The following FOCAD variants were observed in gnomAD, a reference collection of about 807,000 sequenced individuals.
FOCAD encodes focadhesin.
FOCAD carries 198 observed loss-of-function variants against 225.6 expected under a neutral mutation model. The observed-to-expected ratio is 0.88, with a 90% CI of 0.78 to 0.99. The LOEUF (loss-of-function observed/expected upper bound fraction) is 0.99, where lower values mean the gene tolerates loss of function less well. FOCAD is among the 50% of genes least tolerant of loss of function. The pLI, the probability that FOCAD is intolerant of heterozygous loss-of-function variation, is 0.00. For synonymous variants in FOCAD, 897 were observed against 755.0 expected, an observed-to-expected ratio of 1.19 and a Z score of -3.08; for missense variants, 2,713 against 2,123.6, an observed-to-expected ratio of 1.28 and a Z score of -5.46.
At chr9:20,692,015 G>A (rs10811391) in intron 1 of FOCAD, among the ~76,000 whole-genome samples, 31,049 of 152,036 alleles carry the variant, frequency 0.2, 3,377 homozygotes, top group African/African-American at 0.28. Flanking sequence ...CTCCCAAAGT[G>A]CTGGGATTAC....
intron 28 of FOCAD, among the ~76,000 whole-genome samples, chr9:20,942,410 A>G (rs548094293): frequency 7.2e-5 from 11 of 152,326 alleles, no homozygotes; most frequent in African/African-American, 2.4e-4. Flanking sequence ...GTTAAACCCT[A>G]TTGGAATGAG....
intron 5 of FOCAD, among the ~76,000 whole-genome samples, chr9:20,756,308 AATAG>A (rs1319061144): frequency 2.0e-5 from 3 of 152,304 alleles, no homozygotes; most frequent in East Asian, 1.9e-4. Context: ...GTTAAGAAGA[AATAG>A]ATAGTGTTAT....
chr9:20,869,581 A>G (rs1198416870), intron 18 of FOCAD, among the ~76,000 whole-genome samples: 1 of 152,158 alleles, frequency 6.6e-6, no homozygotes. Context: ...CATTTAAGGT[A>G]ATGTACTGGA....
intron 7 of FOCAD, among the ~76,000 whole-genome samples, chr9:20,765,277 T>C (rs573687110): frequency 5.3e-5 from 8 of 152,320 alleles, no homozygotes; most frequent in African/African-American, 1.9e-4. Flanking sequence ...ATTAACTAAA[T>C]ACACAGAAAT....
chr9:20,769,873 A>G (rs975580526), intron 7 of FOCAD, among the ~76,000 whole-genome samples, 159 bp from the exon 8 acceptor site: 1 of 152,378 alleles, frequency 6.6e-6, no homozygotes, highest in South Asian at 2.1e-4. Context: ...GTGCAGTTGT[A>G]TAGTTAATCC....
chr9:20,794,409 T>C (rs1820848563), intron 11 of FOCAD, among the ~76,000 whole-genome samples: 1 of 152,160 alleles, frequency 6.6e-6, no homozygotes, highest in South Asian at 2.1e-4. Context: ...TTTCATAATA[T>C]AGAGCAAAAA....
At chr9:20,697,161 T>G (rs1823442134) in intron 1 of FOCAD, among the ~76,000 whole-genome samples, 1 of 152,220 alleles carries the variant, frequency 6.6e-6, no homozygotes, top group Non-Finnish European at 1.5e-5. Context: ...AAACATGTCC[T>G]AAGTCTGACC....
At chr9:20,757,982 A>G (rs576738585) in intron 5 of FOCAD, 108 bp from the exon 6 acceptor site, 1 of 548,288 alleles carries the variant, frequency 1.8e-6, no homozygotes, top group African/African-American at 1.9e-5. Context: ...ATGAATCGTG[A>G]AAAAAGTCTC....
intron 21 of FOCAD, among the ~76,000 whole-genome samples, chr9:20,899,096 A>C (rs771448455): frequency 7.9e-5 from 12 of 151,850 alleles, no homozygotes; most frequent in Non-Finnish European, 1.5e-4. Flanking sequence ...GTGCTGATAA[A>C]ACTCTTATTA....
chr9:20,973,797 G>T (rs1839989237), intron 35 of FOCAD, among the ~76,000 whole-genome samples: 3 of 128,960 alleles, frequency 2.3e-5, no homozygotes, highest in African/African-American at 8.8e-5. Flanking sequence ...GCTGACTCTT[G>T]CTTCCCCATT....
At chr9:20,831,561 G>T (rs1040012825) in intron 15 of FOCAD, among the ~76,000 whole-genome samples, 2 of 151,996 alleles carry the variant, frequency 1.3e-5, no homozygotes, top group Non-Finnish European at 2.9e-5. Flanking sequence ...AAATGTTCGG[G>T]GGAGAGATAG....
At chr9:20,985,792 G>A (rs796327741) in intron 39 of FOCAD, among the ~76,000 whole-genome samples, 3 of 152,060 alleles carry the variant, frequency 2.0e-5, no homozygotes, top group Admixed American at 6.5e-5. Flanking sequence ...AAGTGAAATT[G>A]GCTTGTGAAA....
chr9:20,862,445 T>G (rs1461952432), intron 15 of FOCAD, 133 bp from the exon 16 acceptor site: 2 of 944,392 alleles, frequency 2.1e-6, no homozygotes, highest in Non-Finnish European at 3.0e-6. Flanking sequence ...TGGTACCTTA[T>G]TAAGTCCTAT....
At chr9:20,758,062 T>A in intron 5 of FOCAD, 28 bp from the exon 6 acceptor site, 1 of 1,505,558 alleles carries the variant, frequency 6.6e-7, no homozygotes. Context: ...GAATAACAGG[T>A]TCCCATGTGA....
chr9:20,711,651 C>T lies in FOCAD; in HGVS notation c.-32-3671C>T, dbSNP rs200526994. Among the ~76,000 whole-genome samples the T allele has an allele frequency of 1.1e-4, 16 of 152,124 alleles. No homozygotes were observed. The East Asian group carries it at 1.9e-3, about 18-fold the overall frequency. On this transcript the variant is annotated intron_variant, in intron 1 of 43. Transcript: ENST00000338382. ...ACTGGATTTAGAGAGTGGTGGTGAA[C>T]GAAATTGTGAGAGGATAACTGGGGT...
intron 15 of FOCAD, among the ~76,000 whole-genome samples, chr9:20,825,068 A>T (rs985875276): frequency 1.3e-5 from 2 of 151,496 alleles, no homozygotes; most frequent in African/African-American, 4.9e-5. Context: ...AAATAAGTAG[A>T]TGTAATCTAT....
At chr9:20,926,118 G>C (rs1834915770) in intron 25 of FOCAD, among the ~76,000 whole-genome samples, 183 bp from the exon 26 acceptor site, 3 of 150,546 alleles carry the variant, frequency 2.0e-5, no homozygotes, top group Non-Finnish European at 4.5e-5. Flanking sequence ...CACAGGTGAG[G>C]ATGTATATTT....
intron 5 of FOCAD, among the ~76,000 whole-genome samples, chr9:20,751,626 C>A (rs10120368): frequency 0.44 from 57,640 of 132,460 alleles, 14,397 homozygotes; most frequent in Non-Finnish European, 0.57. Context: ...ATATGTGTGC[C>A]TGTGTCTTTA....
At chr9:20,919,066 G>C (rs763802076) in intron 24 of FOCAD, among the ~76,000 whole-genome samples, 88 of 152,190 alleles carry the variant, frequency 5.8e-4, no homozygotes, top group Middle Eastern at 6.8e-3. Flanking sequence ...ATCCTGATTT[G>C]TTCATGTAAG....
Sources: allele counts gnomAD v4.1 joint callset (sites outside exome capture counted in the v4.1 genomes callset), GRCh38; gene constraint gnomAD v4.1.1; transcripts MANE v1.5; gene names NCBI Gene and HGNC (gene_info 2026-07-23, HGNC 2026-07-21).